Variants in HOMER1 observed in about 807,000 individuals in gnomAD.
HOMER1 encodes homer protein homolog 1.
In HOMER1, 3 loss-of-function variants were observed where a neutral mutation model predicts 48.9. That is an observed-to-expected ratio of 0.06 (90% CI 0.03 to 0.16). HOMER1 has a LOEUF of 0.16. HOMER1 is among the 10% of genes least tolerant of loss of function. The pLI, the probability that HOMER1 is intolerant of heterozygous loss-of-function variation, is 1.00. For missense variants in HOMER1, 247 were observed against 411.4 expected, an observed-to-expected ratio of 0.60 and a Z score of 3.46; for synonymous variants, 134 against 146.4, an observed-to-expected ratio of 0.92 and a Z score of 0.61.
chr5:79,475,973 T>C (rs940513554), intron 1 of HOMER1, among the ~76,000 whole-genome samples: 9 of 152,284 alleles, frequency 5.9e-5, no homozygotes, highest in African/African-American at 2.2e-4. Context: ...AAAGAGACAA[T>C]TATGAAGATA....
At chr5:79,410,019 A>G (rs1749772791) in intron 5 of HOMER1, among the ~76,000 whole-genome samples, 1 of 152,222 alleles carries the variant, frequency 6.6e-6, no homozygotes, top group Non-Finnish European at 1.5e-5. Context: ...GTATATGCCC[A>G]AAAGCAGTGA....
intron 1 of HOMER1, among the ~76,000 whole-genome samples, chr5:79,499,279 A>G (rs1388964755): frequency 2.6e-5 from 4 of 152,212 alleles, no homozygotes; most frequent in Non-Finnish European, 1.5e-5. Flanking sequence ...CATGTGCCCA[A>G]TAACTACAAA....
At chr5:79,491,692 T>C (rs1416385347) in intron 1 of HOMER1, among the ~76,000 whole-genome samples, 2 of 152,182 alleles carry the variant, frequency 1.3e-5, no homozygotes, top group Non-Finnish European at 2.9e-5. Context: ...GCTTAGTCAA[T>C]TGGTTGTTTT....
intron 5 of HOMER1, among the ~76,000 whole-genome samples, chr5:79,409,261 T>C (rs938137858): frequency 2.0e-5 from 3 of 151,410 alleles, no homozygotes; most frequent in African/African-American, 7.3e-5. Flanking sequence ...GGTGAAACCC[T>C]ATCTCTACTA....
At chr5:79,459,093 C>T (rs1043086367) in intron 1 of HOMER1, among the ~76,000 whole-genome samples, 6 of 152,056 alleles carry the variant, frequency 3.9e-5, no homozygotes, top group African/African-American at 1.2e-4. Flanking sequence ...TTTACTAACT[C>T]GATTACTTGA....
intron 5 of HOMER1, among the ~76,000 whole-genome samples, chr5:79,424,826 C>T (rs941576369): frequency 6.6e-6 from 1 of 152,018 alleles, no homozygotes; most frequent in Non-Finnish European, 1.5e-5. Flanking sequence ...TGATTTTCAA[C>T]CAACAGAAAT....
intron 5 of HOMER1, among the ~76,000 whole-genome samples, chr5:79,425,220 A>G (rs1234356078): frequency 1.3e-5 from 2 of 151,926 alleles, no homozygotes; most frequent in African/African-American, 4.8e-5. Context: ...GAAATCATCC[A>G]CCAAGGGAAA....
At chr5:79,379,136 T>C (rs1229451685) in intron 8 of HOMER1, among the ~76,000 whole-genome samples, 1 of 111,806 alleles carries the variant, frequency 8.9e-6, no homozygotes, top group Non-Finnish European at 1.7e-5. Context: ...TATTTATTTA[T>C]ATATAAAAAT....
At chr5:79,401,433 G>A (rs944709452) in intron 6 of HOMER1, among the ~76,000 whole-genome samples, 3 of 152,020 alleles carry the variant, frequency 2.0e-5, no homozygotes, top group African/African-American at 4.8e-5. Context: ...ACTGGAATTC[G>A]CACTCTGGAA....
intron 1 of HOMER1, among the ~76,000 whole-genome samples, chr5:79,494,638 G>A (rs1370304450): frequency 6.6e-6 from 1 of 152,158 alleles, no homozygotes; most frequent in African/African-American, 2.4e-5. Flanking sequence ...GGAGGCCAAG[G>A]CGGGTGGAAC....
At chr5:79,444,221 A>G (rs1265958662) in intron 4 of HOMER1, among the ~76,000 whole-genome samples, 3 of 152,138 alleles carry the variant, frequency 2.0e-5, no homozygotes, top group African/African-American at 7.2e-5. Flanking sequence ...TTCAAACTAA[A>G]ACAGACACAT....
intron 8 of HOMER1, among the ~76,000 whole-genome samples, chr5:79,389,525 A>G: frequency 6.6e-6 from 1 of 152,204 alleles, no homozygotes; most frequent in East Asian, 1.9e-4. Flanking sequence ...TCCTCTCCTC[A>G]TGAATGGGAG....
At chr5:79,491,617 A>G (rs1255570601) in intron 1 of HOMER1, among the ~76,000 whole-genome samples, 1 of 152,044 alleles carries the variant, frequency 6.6e-6, no homozygotes, top group Non-Finnish European at 1.5e-5. Context: ...GAAGAAATGA[A>G]AGGTTTTCCT....
intron 1 of HOMER1, among the ~76,000 whole-genome samples, chr5:79,502,021 A>ATTTTTTTTT: frequency 7.7e-6 from 1 of 130,058 alleles, no homozygotes; most frequent in Non-Finnish European, 1.6e-5. Flanking sequence ...GGTCCTGATA[A>ATTTTTTTTT]TTTTTTTTTT....
intron 2 of HOMER1, 33 bp downstream of exon 2, chr5:79,456,829 C>T (rs1277330168): frequency 1.9e-6 from 3 of 1,591,012 alleles, no homozygotes; most frequent in African/African-American, 2.7e-5. Flanking sequence ...AAAAGCAAAA[C>T]CAGCCAAATC....
At chr5:79,455,106 A>ATT (rs148460046) in intron 2 of HOMER1, among the ~76,000 whole-genome samples, 136 of 146,198 alleles carry the variant, frequency 9.3e-4, no homozygotes, top group Non-Finnish European at 1.4e-3. Context: ...CACCTAGCTA[A>ATT]TTTTTTTTTT....
At chr5:79,475,121 A>C (rs572223399) in intron 1 of HOMER1, among the ~76,000 whole-genome samples, 41 of 152,362 alleles carry the variant, frequency 2.7e-4, no homozygotes, top group African/African-American at 9.1e-4. Context: ...ACATGTGGTC[A>C]GACACTGTTC....
chr5:79,460,647 A>G (rs1223801700), intron 1 of HOMER1, among the ~76,000 whole-genome samples: 2 of 152,154 alleles, frequency 1.3e-5, no homozygotes, highest in Non-Finnish European at 2.9e-5. Flanking sequence ...GTGGTTCCCA[A>G]ACTGGGGTGG....
At chr5:79,507,001 C>T (rs1561392019) in intron 1 of HOMER1, among the ~76,000 whole-genome samples, 1 of 151,854 alleles carries the variant, frequency 6.6e-6, no homozygotes, top group Admixed American at 6.6e-5. Context: ...ATCACGAGGT[C>T]AGGAGTTCGA....
Sources: gnomAD v4.1 joint callset for allele counts (sites outside exome capture counted in the v4.1 genomes callset) on GRCh38, gnomAD v4.1.1 for gene constraint, MANE v1.5 for transcripts, NCBI Gene and HGNC (gene_info 2026-07-23, HGNC 2026-07-21) for gene names.